The following ABLIM1 variants were observed in gnomAD, a reference collection of about 807,000 sequenced individuals.
ABLIM1 encodes actin-binding LIM protein 1.
ABLIM1 carries 40 observed loss-of-function variants against 107.0 expected under a neutral mutation model. The ratio of observed to expected loss-of-function variants is 0.37; its 90% CI spans 0.29 to 0.49. The LOEUF (loss-of-function observed/expected upper bound fraction) is 0.49. ABLIM1 is among the 20% of genes least tolerant of loss of function. The pLI is 0.97. For synonymous variants in ABLIM1, 357 were observed against 357.3 expected (o/e 1.00, Z 0.01); for missense variants, 857 against 1,008.5 (o/e 0.85, Z 2.04).
intron 1 of ABLIM1, among the ~76,000 whole-genome samples, chr10:114,649,862 CTT>C (rs36021593): frequency 5.5e-5 from 8 of 146,104 alleles, no homozygotes; most frequent in Middle Eastern, 3.5e-3. Flanking sequence ...TCTTTTTTTT[CTT>C]TTTTTTTTTG....
At chr10:114,740,340 T>C (rs1352095189) in intron 1 of ABLIM1, among the ~76,000 whole-genome samples, 1 of 152,142 alleles carries the variant, frequency 6.6e-6, no homozygotes, top group Non-Finnish European at 1.5e-5. Flanking sequence ...CTAACACAAA[T>C]GGACAGTTAC....
intron 6 of ABLIM1, among the ~76,000 whole-genome samples, chr10:114,503,804 A>C (rs1204493833): frequency 6.6e-6 from 1 of 152,174 alleles, no homozygotes; most frequent in Non-Finnish European, 1.5e-5. Flanking sequence ...TCTAAGTAAA[A>C]GCTGTGCAGT....
chr10:114,480,417 T>C (rs1209084743), intron 8 of ABLIM1, among the ~76,000 whole-genome samples: 1 of 152,254 alleles, frequency 6.6e-6, no homozygotes, highest in East Asian at 1.9e-4. Flanking sequence ...CAAGGACTTA[T>C]GGCTAACATA....
rs2076042754 is a variant in ABLIM1, at chr10:114,601,944, G to C, written c.262C>G (p.Pro88Ala). 6.2e-7 allele frequency: 1 copy of C among 1,614,016 alleles called. No individual in the cohort carries two copies. Among genetic ancestry groups the C allele is most frequent in the South Asian group, 1.1e-5 (1 of 91,090 alleles). Residue 88 changes from proline (P) to alanine (A), a missense_variant, in exon 2 of 23, where the codon CCT becomes GCT. Transcript: ENST00000533213. ...ACAGGCTTCTCTGATGGGTGGTGAG[G>C]GTCCTGAGGGTGGGCCACTGAAAGA... is the stretch of plus-strand genomic sequence containing the variant. ...VDPFVAHPQD[P>A]HHPSEKPVIH...
chr10:114,644,306 A>AAAAT (rs1408072252), intron 1 of ABLIM1, among the ~76,000 whole-genome samples: 88 of 52,220 alleles, frequency 1.7e-3, no homozygotes, highest in Non-Finnish European at 1.9e-3. Flanking sequence ...AAAAAAAAAA[A>AAAAT]ATATATATAT....
At chr10:114,495,385 ATGATGGTGGTGG>A (rs1279068207) in intron 6 of ABLIM1, among the ~76,000 whole-genome samples, 1 of 151,940 alleles carries the variant, frequency 6.6e-6, no homozygotes, top group African/African-American at 2.4e-5. Flanking sequence ...GATGATGGTG[ATGATGGTGGTGG>A]TGATGGTGAT....
At position 114,665,199 on chromosome 10, in the gene ABLIM1, T is replaced by G. The variant is rs531654426; in HGVS notation, c.64+19091A>C. ...ACAACTTTATGTATTTCTATTGCAT[T>G]CCCAATGATGACATGCACACACACA... On this transcript the variant is annotated intron_variant, in intron 1 of 23. Transcript: ENST00000369256. 7.2e-5 allele frequency among the ~76,000 whole-genome samples: 11 copies of G among 152,274 alleles called. No individual in the cohort carries two copies. The South Asian group carries it at 2.3e-3, about 32-fold the overall frequency.
intron 1 of ABLIM1, among the ~76,000 whole-genome samples, chr10:114,690,950 G>A (rs977495263): frequency 6.6e-6 from 1 of 152,232 alleles, no homozygotes; most frequent in Non-Finnish European, 1.5e-5. Context: ...TCAAAGTACT[G>A]CAATTACAGG....
At position 114,762,207 on chromosome 10, in the gene ABLIM1, T is replaced by A. The variant is rs552701959; in HGVS notation, c.-213+5854A>T. Among the ~76,000 whole-genome samples the A allele has an allele frequency of 9.0e-4, 137 of 152,194 alleles. 1 individual carries two copies. The South Asian group carries it at 0.022, about 24-fold the overall frequency. ...GCCACCACGCCCAGCTAATTTTTTT[T>A]ATTTTTTAGTAGAGATGGGGTTTCA... On this transcript the variant is annotated intron_variant, in intron 1 of 15. Transcript: ENST00000651092.
intron 1 of ABLIM1, among the ~76,000 whole-genome samples, chr10:114,611,365 C>T (rs891407480): frequency 7.3e-5 from 11 of 151,612 alleles, no homozygotes; most frequent in African/African-American, 1.9e-4. Flanking sequence ...GGCAGCTACT[C>T]GAGAGGCTGA....
chr10:114,472,868 C>T, intron 10 of ABLIM1, 109 bp downstream of exon 10: 1 of 1,155,688 alleles, frequency 8.7e-7, no homozygotes, highest in Non-Finnish European at 1.2e-6. Flanking sequence ...AAATACTAGG[C>T]AGACAAAAGA....
At chr10:114,446,507 C>G (rs1398869051) in intron 15 of ABLIM1, among the ~76,000 whole-genome samples, 3 of 152,160 alleles carry the variant, frequency 2.0e-5, no homozygotes, top group Admixed American at 2.0e-4. Context: ...TTGGATTAAT[C>G]TGGCTGTGGG....
At chr10:114,598,944 C>T (rs557157066) in intron 2 of ABLIM1, among the ~76,000 whole-genome samples, 1 of 152,172 alleles carries the variant, frequency 6.6e-6, no homozygotes, top group East Asian at 1.9e-4. Flanking sequence ...ACCTGAAGCA[C>T]TTCACCCTTG....
upstream of ABLIM1, among the ~76,000 whole-genome samples, chr10:114,688,136 G>A (rs2080986596): frequency 1.3e-5 from 2 of 152,098 alleles, no homozygotes; most frequent in Admixed American, 6.5e-5. Context: ...TAAACAGAAA[G>A]CTTAACCTAG....
chr10:114,652,631 G>C (rs1335407773), intron 1 of ABLIM1, among the ~76,000 whole-genome samples: 2 of 152,220 alleles, frequency 1.3e-5, no homozygotes, highest in African/African-American at 2.4e-5. Flanking sequence ...CTCCAGTCCA[G>C]AACATTCTGC....
intron 8 of ABLIM1, among the ~76,000 whole-genome samples, chr10:114,484,048 C>T (rs749314421): frequency 1.2e-4 from 18 of 152,194 alleles, no homozygotes; most frequent in Non-Finnish European, 2.9e-5. Flanking sequence ...CATCAGTGGC[C>T]CCCTGACAAC....
At position 114,437,973 on chromosome 10, in the gene ABLIM1, T is replaced by G. The variant is rs766384947; in HGVS notation, c.2143-49A>C. 60 of 1,546,690 alleles carry G rather than the reference T, an allele frequency of 3.9e-5. No individual in the cohort carries two copies. The Admixed American group carries it at 7.4e-4, about 19-fold the overall frequency. ...TCTAGAACACCACAGTCCATTTTAT[T>G]AACAAGCAGAATCCACCTAAACGCT... On this transcript the variant is annotated intron_variant, in intron 21 of 22. Coordinates refer to ENST00000533213, the MANE Select transcript of ABLIM1 (RefSeq NM_002313.7).
In ABLIM1 at chr10:114,619,927, C is replaced by T. The variant is rs1287672470; in HGVS notation, c.245-17966G>A. Among the ~76,000 whole-genome samples the T allele has an allele frequency of 6.6e-6, 1 of 151,378 alleles. No homozygotes were observed. Among genetic ancestry groups the T allele is most frequent in the Non-Finnish European group, 1.5e-5 (1 of 68,030 alleles). Reference sequence around the variant, plus strand: ...CCAACTTCTGTTAAGGATAAAGTGGCAAATGAAAGATTCAGACATTCTTTT... The same window carrying T: ...CCAACTTCTGTTAAGGATAAAGTGGTAAATGAAAGATTCAGACATTCTTTT... On this transcript the variant is annotated intron_variant, in intron 1 of 22. Coordinates refer to ENST00000533213, the MANE Select transcript of ABLIM1 (RefSeq NM_002313.7). The surrounding 1 kb of genome is among the most constrained non-coding windows in gnomAD (Gnocchi z 4.1).
At chr10:114,635,353 A>G (rs1458906047) in intron 1 of ABLIM1, among the ~76,000 whole-genome samples, 1 of 152,240 alleles carries the variant, frequency 6.6e-6, no homozygotes, top group Non-Finnish European at 1.5e-5. Context: ...GGGAAATGTT[A>G]CAGCTAGAAA....
Sources: allele counts gnomAD v4.1 joint callset (sites outside exome capture counted in the v4.1 genomes callset), GRCh38; gene constraint gnomAD v4.1.1; non-coding constraint Gnocchi (gnomAD v3.1); transcripts MANE v1.5; gene names NCBI Gene and HGNC (gene_info 2026-07-23, HGNC 2026-07-21).